The following CSMD1 variants were observed in gnomAD, a reference collection of about 807,000 sequenced individuals.
The protein encoded by CSMD1 is CUB and sushi domain-containing protein 1.
CSMD1 carries 213 observed loss-of-function variants against 417.5 expected under a neutral mutation model. The ratio of observed to expected loss-of-function variants is 0.51; its 90% confidence interval spans 0.46 to 0.57. CSMD1 has a LOEUF of 0.57. Among genes scored for constraint, CSMD1 ranks in the 20% least tolerant of loss-of-function variants. The pLI, the probability that CSMD1 is intolerant of heterozygous loss-of-function variation, is 0.00. For missense variants in CSMD1, 6,923 were observed against 4,529.7 expected, an observed-to-expected ratio of 1.53 and a Z score of -15.17; for synonymous variants, 2,862 against 1,736.8, an observed-to-expected ratio of 1.65 and a Z score of -16.11.
At chr8:3,463,889 C>T (rs1447215003) in intron 12 of CSMD1, among the ~76,000 whole-genome samples, 2 of 152,206 alleles carry the variant, frequency 1.3e-5, no homozygotes, top group African/African-American at 2.4e-5. Context: ...TTCCCCCATA[C>T]ACCCTAGGAG....
chr8:4,442,722 A>T (rs894640535), intron 2 of CSMD1, among the ~76,000 whole-genome samples: 1 of 152,168 alleles, frequency 6.6e-6, no homozygotes, highest in South Asian at 2.1e-4. Flanking sequence ...GTATTTGTTG[A>T]TAATACAATC....
intron 63 of CSMD1, among the ~76,000 whole-genome samples, chr8:2,956,854 A>C (rs1406373867): frequency 6.6e-6 from 1 of 152,156 alleles, no homozygotes; most frequent in Non-Finnish European, 1.5e-5. Flanking sequence ...ATCAAGCTCC[A>C]TATTATATAT....
At chr8:4,067,678 C>T (rs529754755) in intron 3 of CSMD1, among the ~76,000 whole-genome samples, 16 of 152,260 alleles carry the variant, frequency 1.1e-4, no homozygotes, top group African/African-American at 3.4e-4. Flanking sequence ...CACCACCTAA[C>T]TTGTCCTGTG....
At chr8:3,757,806 A>C (rs1202058842) in intron 5 of CSMD1, among the ~76,000 whole-genome samples, 1 of 151,890 alleles carries the variant, frequency 6.6e-6, no homozygotes, top group Admixed American at 6.6e-5. Context: ...TTGAGATCAC[A>C]CCATCACACT....
intron 42 of CSMD1, among the ~76,000 whole-genome samples, chr8:3,111,953 C>T (rs75020360): frequency 0.01 from 1,549 of 152,114 alleles, 30 homozygotes; most frequent in African/African-American, 0.036. Context: ...ACATGCTTTT[C>T]TTCTATTTTT....
chr8:3,572,768 G>T (rs1473011768), intron 10 of CSMD1, among the ~76,000 whole-genome samples: 2 of 152,006 alleles, frequency 1.3e-5, no homozygotes, highest in African/African-American at 2.4e-5. Flanking sequence ...GAGCCCCTAT[G>T]GAAATGCATG....
chr8:3,439,013 C>T (rs7000929), intron 12 of CSMD1, among the ~76,000 whole-genome samples: 1 of 148,548 alleles, frequency 6.7e-6, no homozygotes, highest in Non-Finnish European at 1.5e-5. Flanking sequence ...TCCCAGCTAC[C>T]CAGGAGGCTG....
intron 18 of CSMD1, among the ~76,000 whole-genome samples, chr8:3,370,972 C>T (rs953677228): frequency 6.8e-6 from 1 of 147,618 alleles, no homozygotes; most frequent in Admixed American, 6.8e-5. Context: ...AGTCAAACTC[C>T]ATCAAAAAAA....
intron 5 of CSMD1, among the ~76,000 whole-genome samples, chr8:3,797,627 G>C (rs1800233155): frequency 6.6e-6 from 1 of 151,944 alleles, no homozygotes; most frequent in African/African-American, 2.4e-5. Context: ...TTGTTGGGTA[G>C]TGTTCTTTTA....
chr8:3,449,372 A>C (rs971376122), intron 12 of CSMD1, among the ~76,000 whole-genome samples: 7 of 152,150 alleles, frequency 4.6e-5, no homozygotes, highest in Non-Finnish European at 1.0e-4. Context: ...TTATGTGACA[A>C]TGTCTCATGG....
intron 5 of CSMD1, among the ~76,000 whole-genome samples, chr8:3,809,617 G>C (rs1390505672): frequency 6.6e-6 from 1 of 152,152 alleles, no homozygotes; most frequent in Non-Finnish European, 1.5e-5. Flanking sequence ...GTCTAATTCA[G>C]TCTGTCTCTG....
At chr8:3,529,662 C>A (rs1177098099) in intron 10 of CSMD1, among the ~76,000 whole-genome samples, 1 of 152,188 alleles carries the variant, frequency 6.6e-6, no homozygotes, top group East Asian at 1.9e-4. Flanking sequence ...AGAGTATCAG[C>A]TTCTCAGAAG....
intron 3 of CSMD1, among the ~76,000 whole-genome samples, chr8:4,077,405 C>A (rs1228400770): frequency 6.7e-6 from 1 of 150,136 alleles, no homozygotes; most frequent in African/African-American, 2.5e-5. Flanking sequence ...TTATAATAAG[C>A]TCTTAATAAT....
At chr8:3,671,098 G>GTA (rs1799004970) in intron 7 of CSMD1, among the ~76,000 whole-genome samples, 5 of 137,438 alleles carry the variant, frequency 3.6e-5, no homozygotes, top group African/African-American at 1.3e-4. Context: ...GGATATATAT[G>GTA]TATGGGATAT....
At chr8:4,533,405 G>A (rs1040766976) in intron 2 of CSMD1, among the ~76,000 whole-genome samples, 1 of 152,124 alleles carries the variant, frequency 6.6e-6, no homozygotes, top group African/African-American at 2.4e-5. Flanking sequence ...GACCAGGATG[G>A]ACGGACAAAA....
At chr8:4,930,408 C>T (rs1304128662) in intron 1 of CSMD1, among the ~76,000 whole-genome samples, 2 of 152,096 alleles carry the variant, frequency 1.3e-5, no homozygotes, top group African/African-American at 2.4e-5. Context: ...CATATACATG[C>T]ACACATCATT....
intron 1 of CSMD1, among the ~76,000 whole-genome samples, chr8:4,841,981 C>G (rs1162695057): frequency 1.4e-5 from 2 of 146,572 alleles, no homozygotes; most frequent in East Asian, 4.1e-4. Context: ...CATTTTTGTC[C>G]TGCCTCTAAT....
chr8:4,927,892 T>G (rs555999819), intron 1 of CSMD1, among the ~76,000 whole-genome samples: 3 of 152,288 alleles, frequency 2.0e-5, no homozygotes, highest in African/African-American at 7.2e-5. Flanking sequence ...GATCCCACCT[T>G]GTCATGTCCA....
chr8:3,848,022 G>C (rs537657463), intron 5 of CSMD1, among the ~76,000 whole-genome samples: 1 of 151,180 alleles, frequency 6.6e-6, no homozygotes, highest in African/African-American at 2.4e-5. Context: ...CTTCTTTCCT[G>C]ACACATGTTT....
Sources: gnomAD v4.1 joint callset for allele counts (sites outside exome capture counted in the v4.1 genomes callset) on GRCh38, gnomAD v4.1.1 for gene constraint, MANE v1.5 for transcripts, NCBI Gene and HGNC (gene_info 2026-07-23, HGNC 2026-07-21) for gene names.